The following ARSF variants were observed in gnomAD, a reference collection of about 807,000 sequenced individuals.
ARSF encodes the protein arylsulfatase F.
In ARSF, 33 loss-of-function variants were observed where a neutral mutation model predicts 35.4. That is an observed-to-expected ratio of 0.93 (90% CI 0.71 to 1.25). The LOEUF (loss-of-function observed/expected upper bound fraction) is 1.25. ARSF is among the 50% of genes most tolerant of loss of function. The pLI is 0.00. For missense variants in ARSF, 501 were observed against 480.2 expected (o/e 1.04, Z -0.40); for synonymous variants, 222 against 193.1 (o/e 1.15, Z -1.24).
chrX:3,104,426 T>A (rs764939983), intron 9 of ARSF, among the ~76,000 whole-genome samples: 2 of 112,072 alleles, frequency 1.8e-5, no homozygotes, highest in Non-Finnish European at 3.8e-5. Context: ...TGAATAGTAT[T>A]CCCTTGTGCA....
intron 1 of ARSF, among the ~76,000 whole-genome samples, chrX:3,045,169 G>A (rs1352737219): frequency 8.9e-6 from 1 of 111,841 alleles, no homozygotes; most frequent in Non-Finnish European, 1.9e-5. Context: ...AAGAGGTGGG[G>A]AATGAGAAAC....
intron 4 of ARSF, among the ~76,000 whole-genome samples, chrX:3,078,034 C>T (rs893748108): frequency 1.9e-5 from 2 of 108,032 alleles, no homozygotes; most frequent in Non-Finnish European, 3.8e-5. Context: ...GAACTCCTGA[C>T]CTTAGGTGAT....
rs746386061 is a variant in ARSF, at chrX:3,096,586, A to C, written c.968-4501A>C. 3.6e-5 allele frequency among the ~76,000 whole-genome samples: 4 copies of C among 111,871 alleles called. No homozygotes were observed. The Admixed American group carries it at 3.8e-4, about 11-fold the overall frequency. Reference sequence around the variant, plus strand: ...CTGATGAGAAAGTCTTTGGTAGAAAACATCAAGAAACACTTCTGTGATCAT... The same window carrying C: ...CTGATGAGAAAGTCTTTGGTAGAAACCATCAAGAAACACTTCTGTGATCAT... On this transcript the variant is annotated intron_variant, in intron 7 of 10. Coordinates refer to ENST00000381127, the MANE Select transcript of ARSF (RefSeq NM_001201539.2).
At chrX:3,073,392 A>G (rs1489506088) in intron 3 of ARSF, among the ~76,000 whole-genome samples, 3 of 101,973 alleles carry the variant, frequency 2.9e-5, no homozygotes, top group African/African-American at 1.1e-4. Flanking sequence ...AGGTTCAGCG[A>G]CTTCTCCAAG....
chrX:3,110,141 C>T lies in ARSF; in HGVS notation c.1279C>T (p.Arg427Ter), dbSNP rs2090434800. 1.2e-5 allele frequency: 14 copies of T among 1,189,422 alleles called. No individual in the cohort carries two copies. The highest frequency in any genetic ancestry group is 9.1e-5 in the East Asian group (3 of 33,046). Residue 427 changes from arginine to a stop codon, truncating the protein, a stop_gained, in exon 10 of 11, where the codon CGA (arginine) becomes TGA (stop). Coordinates refer to ENST00000381127, the MANE Select transcript of ARSF (RefSeq NM_001201539.2). LOFTEE classifies it high-confidence loss of function. ...SLPQDRVIDG[R>*]DLMPLLQGNV... is the part of the protein sequence containing the mutation. ...GTGTCTCTGCAGGGTCATTGACGGC[C>T]GAGACCTCATGCCCTTGCTGCAGGG...
rs1026296054 is a variant in ARSF at position 3,102,923 on chromosome X, A to T, written c.1103-839A>T. On this transcript the variant is annotated intron_variant, in intron 8 of 10. Coordinates refer to ENST00000381127, the MANE Select transcript of ARSF (RefSeq NM_001201539.2). ...GAGACTCCATCTCAAAAAAAAAAAA[A>T]TTAACTTTTCAGCATGCCATGACAT... 3.6e-5 allele frequency among the ~76,000 whole-genome samples: 4 copies of T among 110,994 alleles called. No homozygotes were observed. The Admixed American group carries it at 3.8e-4, about 11-fold the overall frequency.
intron 7 of ARSF, among the ~76,000 whole-genome samples, chrX:3,092,936 G>A (rs1486400873): frequency 8.9e-6 from 1 of 112,079 alleles, no homozygotes; most frequent in Non-Finnish European, 1.9e-5. Context: ...ACTTTGGGAG[G>A]CCAAGGCGGG....
chrX:3,111,735 C>T (rs1002839141), intron 10 of ARSF, among the ~76,000 whole-genome samples: 3 of 109,518 alleles, frequency 2.7e-5, no homozygotes, highest in Admixed American at 1.0e-4. Flanking sequence ...TTCTACAACT[C>T]ATCATCATGT....
At chrX:3,100,324 C>T (rs2090367047) in intron 7 of ARSF, among the ~76,000 whole-genome samples, 1 of 112,387 alleles carries the variant, frequency 8.9e-6, no homozygotes, top group Non-Finnish European at 1.9e-5. Flanking sequence ...CAATGTCTGC[C>T]TTCTGTGAGC....
intron 7 of ARSF, among the ~76,000 whole-genome samples, chrX:3,090,636 C>T (rs1340678235): frequency 1.8e-5 from 2 of 112,527 alleles, no homozygotes; most frequent in Non-Finnish European, 3.7e-5. Flanking sequence ...CACTGCACTC[C>T]ATGCACTCCA....
Position 3,101,084 on chromosome X carries a change from T to G in ARSF, c.968-3T>G. 1.7e-6 allele frequency: 2 copies of G among 1,208,846 alleles called. No homozygotes were observed. Among genetic ancestry groups the G allele is most frequent in the Non-Finnish European group, 2.2e-6 (2 of 893,647 alleles). Reference sequence around the variant, plus strand: ...TTTACTTGTCTCTTGTATATTATTTTAGGCAAGATTCTTGATGCTATCGAT... The same window carrying G: ...TTTACTTGTCTCTTGTATATTATTTGAGGCAAGATTCTTGATGCTATCGAT... On this transcript the variant is annotated splice_polypyrimidine_tract_variant and splice_region_variant and intron_variant, in intron 7 of 10. Coordinates refer to ENST00000381127, the MANE Select transcript of ARSF (RefSeq NM_001201539.2).
intron 9 of ARSF, among the ~76,000 whole-genome samples, chrX:3,108,051 T>C (rs996142050): frequency 1.8e-5 from 2 of 112,009 alleles, no homozygotes; most frequent in Non-Finnish European, 3.8e-5. Context: ...CCAATTTGTC[T>C]ACTGTCATTT....
At position 3,112,416 on chromosome X, in the gene ARSF, A is replaced by C. The variant is rs1378514225; in HGVS notation, c.1633A>C (p.Ile545Leu). The change falls in exon 11 of 11, where the codon ATC becomes CTC. Residue 545 changes from isoleucine (I) to leucine (L), a missense_variant. Coordinates refer to ENST00000381127, the MANE Select transcript of ARSF (RefSeq NM_001201539.2). The stretch of plus-strand genomic sequence containing the variant: ...CGCCCTGAAGGAACACCAGGAAACC[A>C]TCGTGCCTGTGACCTACCAACTCTC... Reference protein sequence around the residue: ...ANALKEHQETIVPVTYQLSEL... With the variant: ...ANALKEHQETLVPVTYQLSEL... 2 of 1,209,450 alleles carry C rather than the reference A, an allele frequency of 1.7e-6. No individual in the cohort carries two copies. The highest frequency in any genetic ancestry group is 2.2e-6 in the Non-Finnish European group (2 of 895,164).
chrX:3,076,822 A>G (rs2090156101), intron 4 of ARSF, among the ~76,000 whole-genome samples, 153 bp downstream of exon 4: 1 of 112,113 alleles, frequency 8.9e-6, no homozygotes, highest in Non-Finnish European at 1.9e-5. Flanking sequence ...AGGTGGGAGG[A>G]TTGCTTGAGC....
At chrX:3,075,726 T>A (rs2090141759) in intron 3 of ARSF, among the ~76,000 whole-genome samples, 1 of 108,328 alleles carries the variant, frequency 9.2e-6, no homozygotes, top group African/African-American at 3.4e-5. Flanking sequence ...TCTGCTTGTC[T>A]CTCTATGTCT....
chrX:3,071,406 T>A (rs1413089445), intron 2 of ARSF, among the ~76,000 whole-genome samples: 1 of 110,339 alleles, frequency 9.1e-6, no homozygotes, highest in Admixed American at 9.7e-5. Flanking sequence ...CGGGTTCAAG[T>A]GATTCTCCTG....
chrX:3,084,195 A>G (rs2090226681), intron 5 of ARSF, 48 bp from the exon 6 acceptor site: 2 of 1,169,219 alleles, frequency 1.7e-6, no homozygotes, highest in Non-Finnish European at 1.2e-6. Flanking sequence ...ATGTGCTGGC[A>G]TATGTTGACA....
At chrX:3,092,622 A>G (rs765956209) in intron 7 of ARSF, among the ~76,000 whole-genome samples, 1 of 112,221 alleles carries the variant, frequency 8.9e-6, no homozygotes, top group African/African-American at 3.2e-5. Flanking sequence ...AAAAAGCGCA[A>G]CTGAGATGTA....
At position 3,103,368 on chromosome X, in the gene ARSF, T is replaced by G. The variant is rs2090391725; in HGVS notation, c.1103-394T>G. ...AATGTTCAGGCACGCCTCATTGAGGTTACTGTGAGTTCCATAAAATTGGGG... is the reference window on the plus strand; with the variant it reads ...AATGTTCAGGCACGCCTCATTGAGGGTACTGTGAGTTCCATAAAATTGGGG... On this transcript the variant is annotated intron_variant, in intron 8 of 10. Coordinates refer to ENST00000381127, the MANE Select transcript of ARSF (RefSeq NM_001201539.2). Among the ~76,000 whole-genome samples the G allele has an allele frequency of 2.7e-5, 3 of 111,043 alleles. No homozygotes were observed. The South Asian group carries it at 1.1e-3, about 42-fold the overall frequency.
Sources: allele counts gnomAD v4.1 joint callset (sites outside exome capture counted in the v4.1 genomes callset), GRCh38; gene constraint gnomAD v4.1.1; transcripts MANE v1.5; gene names NCBI Gene and HGNC (gene_info 2026-07-23, HGNC 2026-07-21).